BPNT1: variants seen among roughly 807,000 people sequenced by gnomAD.
The protein encoded by BPNT1 is 3'(2'),5'-bisphosphate nucleotidase 1.
BPNT1 carries 28 observed loss-of-function variants against 36.9 expected under a neutral mutation model. The ratio of observed to expected loss-of-function variants is 0.76; its 90% confidence interval spans 0.56 to 1.04. BPNT1 has a LOEUF of 1.04. BPNT1 is among the 50% of genes least tolerant of loss of function. The pLI is 0.00. For synonymous variants in BPNT1, 119 were observed against 130.9 expected, an observed-to-expected ratio of 0.91 and a Z score of 0.62; for missense variants, 313 against 372.9, an observed-to-expected ratio of 0.84 and a Z score of 1.32.
chr1:220,082,077 T>TAG (rs1192320961), intron 1 of BPNT1, among the ~76,000 whole-genome samples: 34 of 110,260 alleles, frequency 3.1e-4, no homozygotes, highest in African/African-American at 1.0e-3. Flanking sequence ...TATATATATA[T>TAG]ATATATATAG....
chr1:220,064,479 G>A (rs1663349129), intron 6 of BPNT1, among the ~76,000 whole-genome samples: 1 of 152,224 alleles, frequency 6.6e-6, no homozygotes, highest in South Asian at 2.1e-4. Context: ...GGTACAGCAA[G>A]AGCTGACCCT....
At chr1:220,069,734 G>A (rs796259936) in intron 4 of BPNT1, among the ~76,000 whole-genome samples, 38 of 152,136 alleles carry the variant, frequency 2.5e-4, no homozygotes, top group African/African-American at 8.9e-4. Flanking sequence ...TCAGGAGTTC[G>A]AGACCAGCCC....
intron 1 of BPNT1, among the ~76,000 whole-genome samples, chr1:220,081,183 C>CT (rs373738027): frequency 6.6e-6 from 1 of 152,198 alleles, no homozygotes; most frequent in Non-Finnish European, 1.5e-5. Context: ...GATCCCCCCC[C>CT]TTGGCCTCCC....
At chr1:220,083,525 A>G (rs982887218) in intron 1 of BPNT1, among the ~76,000 whole-genome samples, 1 of 151,846 alleles carries the variant, frequency 6.6e-6, no homozygotes, top group Admixed American at 6.6e-5. Flanking sequence ...CATGTTAGCC[A>G]GGATGGTCTC....
chr1:220,070,760 C>T (rs919801376), intron 4 of BPNT1, among the ~76,000 whole-genome samples: 2 of 150,668 alleles, frequency 1.3e-5, no homozygotes, highest in Admixed American at 6.6e-5. Flanking sequence ...CCTTACCTGG[C>T]CCCAGCACCA....
At position 220,057,993 on chromosome 1, in the gene BPNT1, C is replaced by T. The variant is rs190830395; in HGVS notation, c.*851G>A. On this transcript the variant is annotated 3_prime_UTR_variant, in exon 9 of 9. Coordinates refer to ENST00000322067, the MANE Select transcript of BPNT1 (RefSeq NM_006085.6). ...GAGATCAAGACCATCCTGGCTAACA[C>T]GGTGAAACACCTTCTCTACTAAAAA... 62 of 604,490 alleles carry T rather than the reference C, an allele frequency of 1.0e-4. No homozygotes were observed. Among genetic ancestry groups the T allele is most frequent in the African/African-American group, 3.5e-4 (18 of 50,892 alleles). 37.4% of individuals were successfully genotyped at this position (604,490 alleles called of 1,614,324 possible).
chr1:220,060,883 G>A (rs772278592), intron 7 of BPNT1, among the ~76,000 whole-genome samples: 16 of 152,092 alleles, frequency 1.1e-4, no homozygotes, highest in Admixed American at 2.6e-4. Flanking sequence ...AAAGCGGTGG[G>A]GGCGGGGAGG....
chr1:220,067,975 G>T (rs1255630078), intron 5 of BPNT1, among the ~76,000 whole-genome samples: 1 of 151,876 alleles, frequency 6.6e-6, no homozygotes, highest in Non-Finnish European at 1.5e-5. Context: ...TTTCACAATG[G>T]GTTCTACAGA....
intron 5 of BPNT1, among the ~76,000 whole-genome samples, chr1:220,069,041 G>A (rs528808160): frequency 2.6e-5 from 4 of 152,144 alleles, no homozygotes; most frequent in Non-Finnish European, 4.4e-5. Flanking sequence ...GGCAGAGCAA[G>A]AGCTACACAG....
chr1:220,058,451 A>G lies in BPNT1; in HGVS notation c.*393T>C, dbSNP rs1207965317. 2 of 969,574 alleles carry G rather than the reference A, an allele frequency of 2.1e-6. No homozygotes were observed. Among genetic ancestry groups the G allele is most frequent in the East Asian group, 1.1e-4 (1 of 9,096 alleles). The allele number at this position is 969,574 out of a possible 1,614,324, so 60.1% of individuals were successfully genotyped here. On this transcript the variant is annotated 3_prime_UTR_variant, in exon 9 of 9. Coordinates refer to ENST00000322067, the MANE Select transcript of BPNT1 (RefSeq NM_006085.6). Reference sequence around the variant, plus strand: ...AAAGGTGGAACTCTAATTCTACCCAATTAATCTTAAAATGTATTATTTTGA... The same window carrying G: ...AAAGGTGGAACTCTAATTCTACCCAGTTAATCTTAAAATGTATTATTTTGA...
At chr1:220,060,383 C>T (rs548669164) in intron 7 of BPNT1, among the ~76,000 whole-genome samples, 10 of 152,072 alleles carry the variant, frequency 6.6e-5, no homozygotes, top group East Asian at 5.8e-4. Flanking sequence ...GGCTGAGGCA[C>T]GAGAATCGTT....
chr1:220,087,896 G>A (rs1655890135), intron 1 of BPNT1, among the ~76,000 whole-genome samples: 1 of 151,854 alleles, frequency 6.6e-6, no homozygotes, highest in Admixed American at 6.6e-5. Context: ...TATTTTTTGA[G>A]ACAGAGTTTT....
intron 7 of BPNT1, among the ~76,000 whole-genome samples, chr1:220,060,881 G>C (rs368743047): frequency 6.7e-6 from 1 of 150,046 alleles, no homozygotes; most frequent in Admixed American, 6.6e-5. Flanking sequence ...TCAAAGCGGT[G>C]GGGGCGGGGA....
chr1:220,084,902 A>G (rs1346008358), intron 1 of BPNT1, among the ~76,000 whole-genome samples: 1 of 152,344 alleles, frequency 6.6e-6, no homozygotes, highest in East Asian at 1.9e-4. Context: ...TGATTTATAA[A>G]GAGATTCCAC....
intron 4 of BPNT1, among the ~76,000 whole-genome samples, chr1:220,071,305 T>A (rs961049360): frequency 7.2e-5 from 11 of 152,160 alleles, no homozygotes; most frequent in African/African-American, 2.7e-4. Context: ...CAGGTTTAAC[T>A]TAAGCAACTA....
intron 1 of BPNT1, among the ~76,000 whole-genome samples, chr1:220,085,914 T>G (rs933860560): frequency 1.3e-5 from 2 of 152,190 alleles, no homozygotes; most frequent in Admixed American, 1.3e-4. Flanking sequence ...CATATAACGA[T>G]TGTGACCATA....
intron 1 of BPNT1, among the ~76,000 whole-genome samples, chr1:220,084,688 C>A (rs1571814425): frequency 6.6e-6 from 1 of 152,288 alleles, no homozygotes; most frequent in East Asian, 1.9e-4. Flanking sequence ...CAACTACTTC[C>A]CCTTGTATTT....
At chr1:220,083,258 A>G (rs1655380443) in intron 1 of BPNT1, among the ~76,000 whole-genome samples, 2 of 150,638 alleles carry the variant, frequency 1.3e-5, no homozygotes, top group African/African-American at 4.9e-5. Flanking sequence ...AAAGAAATTT[A>G]TGTAAGGTAA....
intron 1 of BPNT1, among the ~76,000 whole-genome samples, chr1:220,085,082 A>C (rs1441953148): frequency 1.3e-5 from 2 of 152,108 alleles, no homozygotes; most frequent in Non-Finnish European, 2.9e-5. Flanking sequence ...TTAAAAAAAA[A>C]AAAAGAAAAA....
Sources: gnomAD v4.1 joint callset for allele counts (sites outside exome capture counted in the v4.1 genomes callset) on GRCh38, gnomAD v4.1.1 for gene constraint, MANE v1.5 for transcripts, NCBI Gene and HGNC (gene_info 2026-07-23, HGNC 2026-07-21) for gene names.